GRIK3: variants seen among roughly 807,000 people sequenced by gnomAD.
The protein encoded by GRIK3 is glutamate receptor ionotropic, kainate 3.
GRIK3 carries 29 observed loss-of-function variants against 102.5 expected under a neutral mutation model. The ratio of observed to expected loss-of-function variants is 0.28; its 90% CI spans 0.21 to 0.39. GRIK3 has a LOEUF of 0.39. Ranked by LOEUF, GRIK3 falls within the 10% of genes least tolerant of loss-of-function variation. The probability of loss-of-function intolerance (pLI) is 1.00; values close to 1 mark genes in which losing one functional copy is unlikely to be tolerated. For synonymous variants in GRIK3, 511 were observed against 504.9 expected (o/e 1.01, Z -0.16); for missense variants, 908 against 1,252.4 (o/e 0.73, Z 4.15).
intron 1 of GRIK3, among the ~76,000 whole-genome samples, chr1:36,986,552 C>T (rs374849755): frequency 4.5e-4 from 69 of 152,236 alleles, no homozygotes; most frequent in Non-Finnish European, 8.8e-4. Context: ...TACCAAGCCC[C>T]GGGTTCTAGG....
chr1:36,971,082 A>G (rs184737739), intron 1 of GRIK3, among the ~76,000 whole-genome samples: 331 of 152,172 alleles, frequency 2.2e-3, no homozygotes, highest in Non-Finnish European at 3.8e-3. Context: ...TTGCCTCTGG[A>G]CCTCCAGGAC....
chr1:36,824,349 AC>A (rs1642730261), intron 11 of GRIK3, among the ~76,000 whole-genome samples: 1 of 152,084 alleles, frequency 6.6e-6, no homozygotes, highest in Non-Finnish European at 1.5e-5. Context: ...GGCTTGTTAG[AC>A]CATTAGAGAC....
At chr1:36,984,509 C>T (rs1642283862) in intron 1 of GRIK3, among the ~76,000 whole-genome samples, 1 of 152,222 alleles carries the variant, frequency 6.6e-6, no homozygotes, top group Admixed American at 6.5e-5. Flanking sequence ...CTCCTTCCTG[C>T]TTACCCAAAC....
chr1:36,953,962 T>C (rs1436720593), intron 1 of GRIK3, among the ~76,000 whole-genome samples: 3 of 152,066 alleles, frequency 2.0e-5, no homozygotes, highest in Non-Finnish European at 4.4e-5. Context: ...CTCCCAAGGG[T>C]ACTGCCCCTG....
intron 1 of GRIK3, among the ~76,000 whole-genome samples, chr1:36,994,891 A>G (rs1235571085): frequency 6.6e-6 from 1 of 152,204 alleles, no homozygotes. Flanking sequence ...CTGAACCTGC[A>G]TTGGGAATCA....
intron 4 of GRIK3, among the ~76,000 whole-genome samples, chr1:36,871,879 T>C (rs1570771955): frequency 1.3e-5 from 2 of 152,322 alleles, no homozygotes; most frequent in South Asian, 2.1e-4. Flanking sequence ...CCCGGCAGCC[T>C]CTGCCTCCAA....
Position 36,806,067 on chromosome 1 carries a change from A to T in GRIK3, c.2314+37T>A. 1 of 1,475,676 alleles carries T rather than the reference A, an allele frequency of 6.8e-7. No individual in the cohort carries two copies. The highest frequency in any genetic ancestry group is 9.4e-7 in the Non-Finnish European group (1 of 1,063,310). The allele number at this position is 1,475,676 out of a possible 1,614,324, so 91.4% of individuals were successfully genotyped here. On this transcript the variant is annotated intron_variant, in intron 14 of 15. Coordinates refer to ENST00000373091, the MANE Select transcript of GRIK3 (RefSeq NM_000831.4). This position sits in a 1 kb window ranked among gnomAD's most constrained non-coding sequence, Gnocchi z 4.0. ...CGGGGGTGGAGCCCTCCCTCTGCCC[A>T]CACACCCACCCCTCCCACAGGCAGC...
At chr1:36,952,478 T>C (rs1329785019) in intron 1 of GRIK3, among the ~76,000 whole-genome samples, 2 of 152,254 alleles carry the variant, frequency 1.3e-5, no homozygotes, top group Non-Finnish European at 2.9e-5. Context: ...ATTAGTTTTG[T>C]GACCACTAGT....
Position 36,986,540 on chromosome 1 carries a change from T to C in GRIK3, c.115+47454A>G, listed in dbSNP as rs370550270. On this transcript the variant is annotated intron_variant, in intron 1 of 15. Coordinates refer to ENST00000373091, the MANE Select transcript of GRIK3 (RefSeq NM_000831.4). ...AAGGTCATGTTCCCTGAGCTCTGTC[T>C]GTACCAAGCCCCGGGTTCTAGGGTC... Among the ~76,000 whole-genome samples, 7 of 152,314 alleles carry C rather than the reference T, an allele frequency of 4.6e-5. No homozygotes were observed. The South Asian group carries it at 1.2e-3, about 27-fold the overall frequency.
intron 1 of GRIK3, among the ~76,000 whole-genome samples, chr1:37,007,238 C>T (rs545136234): frequency 9.2e-5 from 14 of 152,342 alleles, no homozygotes; most frequent in Middle Eastern, 3.4e-3. Flanking sequence ...GCTGTTATTA[C>T]GCCCATTTTG....
intron 1 of GRIK3, among the ~76,000 whole-genome samples, chr1:36,936,625 C>T (rs1641660326): frequency 6.6e-6 from 1 of 152,166 alleles, no homozygotes; most frequent in Non-Finnish European, 1.5e-5. Flanking sequence ...TACTCCCCGG[C>T]TTTATTAAAG....
At chr1:36,984,888 A>G (rs1343785759) in intron 1 of GRIK3, among the ~76,000 whole-genome samples, 1 of 152,208 alleles carries the variant, frequency 6.6e-6, no homozygotes, top group East Asian at 1.9e-4. Context: ...AGCCTGACAC[A>G]TGCACAGTGG....
At chr1:36,802,288 A>G (rs536487002) in intron 15 of GRIK3, among the ~76,000 whole-genome samples, 40 of 152,324 alleles carry the variant, frequency 2.6e-4, no homozygotes, top group African/African-American at 8.7e-4. Context: ...CCTCATTTAT[A>G]CATGAGCAAA....
intron 1 of GRIK3, among the ~76,000 whole-genome samples, chr1:36,968,496 T>C (rs1257425224): frequency 6.6e-6 from 1 of 152,084 alleles, no homozygotes; most frequent in East Asian, 1.9e-4. Context: ...TTAGGGAATG[T>C]TTTAACCTCT....
chr1:36,883,113 G>A (rs933582961), intron 2 of GRIK3, among the ~76,000 whole-genome samples: 1 of 152,214 alleles, frequency 6.6e-6, no homozygotes, highest in African/African-American at 2.4e-5. Context: ...GACCCACTGG[G>A]CACAGGCCTA....
intron 1 of GRIK3, among the ~76,000 whole-genome samples, chr1:36,930,410 T>C (rs1641574698): frequency 6.6e-6 from 1 of 152,198 alleles, no homozygotes; most frequent in African/African-American, 2.4e-5. Context: ...TTCAATCCCT[T>C]GACCTTGTGG....
At chr1:36,853,925 G>C (rs1196979859) in intron 7 of GRIK3, among the ~76,000 whole-genome samples, 1 of 152,160 alleles carries the variant, frequency 6.6e-6, no homozygotes, top group Non-Finnish European at 1.5e-5. Flanking sequence ...TCTTTAGCCA[G>C]CTTTACATTT....
chr1:36,846,319 C>T (rs1158158739), intron 9 of GRIK3, among the ~76,000 whole-genome samples: 1 of 152,198 alleles, frequency 6.6e-6, no homozygotes, highest in African/African-American at 2.4e-5. Flanking sequence ...GTCCATCTGT[C>T]TGTCCAGGGT....
chr1:36,920,607 C>T (rs555572271), intron 1 of GRIK3, among the ~76,000 whole-genome samples: 7 of 152,300 alleles, frequency 4.6e-5, no homozygotes, highest in African/African-American at 1.7e-4. Context: ...CACCTGAAGA[C>T]CCCTACAGTT....
Sources: allele counts gnomAD v4.1 joint callset (sites outside exome capture counted in the v4.1 genomes callset), GRCh38; gene constraint gnomAD v4.1.1; non-coding constraint Gnocchi (gnomAD v3.1); transcripts MANE v1.5; gene names NCBI Gene and HGNC (gene_info 2026-07-23, HGNC 2026-07-21).